The following SETD5 variants were observed in gnomAD, a reference collection of about 807,000 sequenced individuals.
SETD5 encodes the protein SET domain containing 5.
In SETD5, 44 loss-of-function variants were observed where a neutral mutation model predicts 153.3. The observed-to-expected ratio is 0.29, with a 90% CI of 0.23 to 0.37. The LOEUF is 0.37. Among genes scored for constraint, SETD5 ranks in the 10% least tolerant of loss-of-function variants. SETD5 has a pLI of 1.00. For missense variants in SETD5, 1,544 were observed against 1,768.0 expected (o/e 0.87, Z 2.27); for synonymous variants, 716 against 645.2 (o/e 1.11, Z -1.66).
intron 1 of SETD5, among the ~76,000 whole-genome samples, chr3:9,408,194 C>A (rs1214807509): frequency 6.6e-6 from 1 of 152,156 alleles, no homozygotes; most frequent in East Asian, 1.9e-4. Flanking sequence ...CGCTACCTAG[C>A]AACCTAGTTT....
At chr3:9,399,827 C>CAAA (rs33940536) in intron 1 of SETD5, among the ~76,000 whole-genome samples, 16 of 128,678 alleles carry the variant, frequency 1.2e-4, no homozygotes, top group Admixed American at 7.6e-5. Context: ...AGCACTGGTC[C>CAAA]AAAAAAAAAA....
intron 3 of SETD5, among the ~76,000 whole-genome samples, chr3:9,432,512 A>G (rs186655243): frequency 6.6e-6 from 1 of 152,188 alleles, no homozygotes; most frequent in Non-Finnish European, 1.5e-5. Context: ...ATTAATCTCT[A>G]AGTTAGAGTT....
At chr3:9,420,661 C>T (rs558783635) in intron 1 of SETD5, among the ~76,000 whole-genome samples, 8 of 152,216 alleles carry the variant, frequency 5.3e-5, no homozygotes, top group African/African-American at 9.6e-5. Context: ...CTTTCAGTCC[C>T]GAACCCCTAA....
intron 2 of SETD5, among the ~76,000 whole-genome samples, chr3:9,427,087 T>C (rs2039364156): frequency 6.6e-6 from 1 of 152,024 alleles, no homozygotes; most frequent in South Asian, 2.1e-4. Context: ...GGTCTCACTA[T>C]GTTGTCTCAG....
At position 9,477,285 on chromosome 3, in the gene SETD5, G is replaced by A. The variant is rs913074178; in HGVS notation, c.*1194G>A. The stretch of plus-strand genomic sequence containing the variant: ...TTGTGCCTGTTGTACACCCCTGGAG[G>A]AGCCCTGGAGCCAGCCCAGGTGGGG... On this transcript the variant is annotated 3_prime_UTR_variant, in exon 23 of 23. Coordinates refer to ENST00000402198, the MANE Select transcript of SETD5 (RefSeq NM_001080517.3). The A allele has an allele frequency of 1.3e-5, 2 of 152,800 alleles. No homozygotes were observed. Among genetic ancestry groups the A allele is most frequent in the African/African-American group, 4.8e-5 (2 of 41,576 alleles). The allele number at this position is 152,800 out of a possible 1,614,324, so 9.5% of individuals were successfully genotyped here. A position where few individuals can be genotyped will look rare whatever the true frequency, so the allele number is the denominator to read the frequency against.
Position 9,397,769 on chromosome 3 carries a change from GC to G in SETD5, c.-383del, listed in dbSNP as rs901511222. The G allele has an allele frequency of 1.9e-5, 3 of 159,460 alleles. No homozygotes were observed. Among genetic ancestry groups the G allele is most frequent in the African/African-American group, 7.3e-5 (3 of 41,252 alleles). The allele number at this position is 159,460 out of a possible 1,614,324, so 9.9% of individuals were successfully genotyped here. ...CCCGCCAGTCCGCCAACACAGTAGT[GC>G]CGGCCCCCCTCTTTCCCTGGCCCTG... is the stretch of plus-strand genomic sequence containing the variant. On this transcript the variant is annotated 5_prime_UTR_variant, in exon 1 of 23. Transcript: ENST00000402198.
At chr3:9,454,683 C>T (rs1427680282) in intron 17 of SETD5, among the ~76,000 whole-genome samples, 1 of 132,726 alleles carries the variant, frequency 7.5e-6, no homozygotes, top group Admixed American at 7.9e-5. Context: ...AATCTAAAGT[C>T]TTTGTGCATT....
chr3:9,399,604 C>G (rs1337568190), intron 1 of SETD5, among the ~76,000 whole-genome samples: 1 of 152,146 alleles, frequency 6.6e-6, no homozygotes, highest in African/African-American at 2.4e-5. Flanking sequence ...GGCTCTGTTT[C>G]TAGCTGCAAA....
In SETD5 at chr3:9,447,695, G is replaced by A. The variant is rs770751105; in HGVS notation, c.1792G>A (p.Ala598Thr). 5.0e-6 allele frequency: 8 copies of A among 1,613,564 alleles called. No homozygotes were observed. In the Admixed American group the frequency reaches 5.0e-5, roughly 10 times the overall value. ...CCTACTATTGCTACAGGATATTGCT[G>A]CAGAAAAACTAGTCCCCAAGCCACC... ...RRSSQAGDIA[A>T]EKLVPKPPPA... Residue 598 changes from alanine to threonine, a missense_variant, in exon 15 of 23, where the codon GCA becomes ACA. By Grantham distance (58) the Ala-to-Thr change is moderately conservative. Around this residue, in one of 9 missense-constraint regions of SETD5, gnomAD observed 782 missense variants for 787.2 expected, o/e 0.99. Transcript: ENST00000402198.
At chr3:9,453,609 A>G (rs2042880802) in intron 16 of SETD5, 130 bp from the exon 17 acceptor site, 2 of 807,404 alleles carry the variant, frequency 2.5e-6, no homozygotes, top group Non-Finnish European at 3.6e-6. Context: ...ACAAGACAAT[A>G]AAATGCTTGA....
intron 11 of SETD5, among the ~76,000 whole-genome samples, chr3:9,443,656 T>C (rs1441443225): frequency 6.6e-6 from 1 of 152,238 alleles, no homozygotes; most frequent in African/African-American, 2.4e-5. Context: ...TTTTCGCTTA[T>C]GCCTTTTTAG....
chr3:9,429,624 T>A (rs541634329), intron 3 of SETD5, among the ~76,000 whole-genome samples: 2 of 152,300 alleles, frequency 1.3e-5, no homozygotes, highest in South Asian at 4.1e-4. Flanking sequence ...CCTAAAATTA[T>A]ACTCTCAATT....
intron 7 of SETD5, chr3:9,436,742 G>T: frequency 1.1e-6 from 1 of 895,134 alleles, no homozygotes; most frequent in South Asian, 1.8e-5. Context: ...GAGAAAGGGG[G>T]ACAGAATAGA....
chr3:9,459,976 A>C (rs1322117570), intron 17 of SETD5, among the ~76,000 whole-genome samples: 1 of 151,964 alleles, frequency 6.6e-6, no homozygotes, highest in Non-Finnish European at 1.5e-5. Flanking sequence ...TAGGCTATCA[A>C]ATTATCCCAC....
intron 16 of SETD5, 148 bp downstream of exon 16, chr3:9,448,778 C>A: frequency 1.4e-6 from 1 of 738,330 alleles, no homozygotes; most frequent in Non-Finnish European, 2.1e-6. Flanking sequence ...AGTTGTTCAG[C>A]CATAAATACT....
chr3:9,436,833 T>C (rs1474905709), intron 7 of SETD5: 2 of 1,549,860 alleles, frequency 1.3e-6, no homozygotes. Flanking sequence ...TTCTACTTGT[T>C]TTCCTCCTTG....
Position 9,447,085 on chromosome 3 carries a change from T to C in SETD5, c.1560T>C (p.His520=). The C allele has an allele frequency of 6.2e-7, 1 of 1,613,642 alleles. No individual in the cohort carries two copies. Reference sequence around the variant, plus strand: ...ATAGAAAGGTAGAAGCCATCATGCATGCTTTTGAAAACTTAGAGAAAAGAA... The same window carrying C: ...ATAGAAAGGTAGAAGCCATCATGCACGCTTTTGAAAACTTAGAGAAAAGAA... ...REDRKVEAIM[H]AFENLEKRKK... Residue 520 remains histidine, a synonymous_variant, in exon 14 of 23, where the codon CAT becomes CAC. Transcript: ENST00000402198.
chr3:9,468,265 T>C (rs1423215502), intron 18 of SETD5, among the ~76,000 whole-genome samples: 1 of 152,088 alleles, frequency 6.6e-6, no homozygotes, highest in East Asian at 1.9e-4. Context: ...CTTGAGATGT[T>C]TACTTACAGC....
In SETD5 at chr3:9,473,196, T is replaced by C. The variant is rs200499310; in HGVS notation, c.3196-40T>C. On this transcript the variant is annotated intron_variant, in intron 19 of 22. Transcript: ENST00000402198. ...TGGTGATCCACTAATGATATCCAGA[T>C]AGAGTACCGTTTTTTGTTTGTTTGT... 120 of 1,589,286 alleles carry C rather than the reference T, an allele frequency of 7.6e-5. No individual in the cohort carries two copies. The East Asian group carries it at 2.6e-3, about 35-fold the overall frequency.
Sources: gnomAD v4.1 joint callset for allele counts (sites outside exome capture counted in the v4.1 genomes callset) on GRCh38, gnomAD v4.1.1 for gene constraint, gnomAD v4.1.1 regional missense constraint, MANE v1.5 for transcripts, NCBI Gene and HGNC (gene_info 2026-07-23, HGNC 2026-07-21) for gene names.